The following CLDN16 variants were observed in gnomAD, a reference collection of about 807,000 sequenced individuals.
CLDN16 encodes claudin-16.
Under a neutral mutation model 24.6 loss-of-function variants are expected in CLDN16, and 13 were observed. That is an observed-to-expected ratio of 0.53 (90% CI 0.34 to 0.84). The LOEUF (loss-of-function observed/expected upper bound fraction) is 0.84. CLDN16 is among the 40% of genes least tolerant of loss of function. CLDN16 has a pLI of 0.01. For synonymous variants in CLDN16, 116 were observed against 106.7 expected, an observed-to-expected ratio of 1.09 and a Z score of -0.54; for missense variants, 298 against 292.7, an observed-to-expected ratio of 1.02 and a Z score of -0.13.
intron 1 of CLDN16, among the ~76,000 whole-genome samples, chr3:190,323,535 C>T (rs1248863301): frequency 6.6e-6 from 1 of 152,126 alleles, no homozygotes; most frequent in Non-Finnish European, 1.5e-5. Flanking sequence ...AAATGTTTTT[C>T]CAACTGCTTT....
chr3:190,350,099 C>T (rs1352182527), intron 1 of CLDN16, among the ~76,000 whole-genome samples: 2 of 151,678 alleles, frequency 1.3e-5, no homozygotes, highest in Non-Finnish European at 2.9e-5. Context: ...GGCATGGAGA[C>T]AAGCATTTAA....
intron 1 of CLDN16, among the ~76,000 whole-genome samples, chr3:190,347,763 A>G (rs1335840906): frequency 1.3e-5 from 2 of 152,176 alleles, no homozygotes; most frequent in Non-Finnish European, 2.9e-5. Flanking sequence ...TTGGAGGATG[A>G]AAGTAGGTTT....
At chr3:190,349,359 G>A (rs2108634700) in intron 1 of CLDN16, among the ~76,000 whole-genome samples, 1 of 152,164 alleles carries the variant, frequency 6.6e-6, no homozygotes, top group South Asian at 2.1e-4. Context: ...CTTCCCCTTG[G>A]CCCTTCTGCC....
At chr3:190,386,846 A>G (rs943886918), upstream of CLDN16, among the ~76,000 whole-genome samples, 1 of 152,238 alleles carries the variant, frequency 6.6e-6, no homozygotes, top group South Asian at 2.1e-4. Flanking sequence ...GAAAAAACAA[A>G]GTTTAGCCAC....
chr3:190,311,094 T>A, the CLDN16 span, among the ~76,000 whole-genome samples: 2 of 152,204 alleles, frequency 1.3e-5, no homozygotes, highest in Non-Finnish European at 2.9e-5. Context: ...CCTCTAGACA[T>A]GACAGAAAAC....
chr3:190,316,111 C>G, the CLDN16 span, among the ~76,000 whole-genome samples: 1 of 152,168 alleles, frequency 6.6e-6, no homozygotes, highest in Admixed American at 6.5e-5. Context: ...AGAAACCTAT[C>G]AGGTTTCATT....
intron 1 of CLDN16, among the ~76,000 whole-genome samples, chr3:190,363,042 G>A (rs1717935082): frequency 6.6e-6 from 1 of 151,864 alleles, no homozygotes; most frequent in African/African-American, 2.4e-5. Context: ...TTTTTAAAAT[G>A]TATTTTTATC....
intron 1 of CLDN16, among the ~76,000 whole-genome samples, chr3:190,340,048 A>G (rs1229668895): frequency 6.6e-6 from 1 of 152,244 alleles, no homozygotes; most frequent in Non-Finnish European, 1.5e-5. Context: ...ATTAACAGAC[A>G]TAAAGTCAAA....
chr3:190,332,342 G>C (rs1236036276), intron 1 of CLDN16, among the ~76,000 whole-genome samples: 1 of 152,090 alleles, frequency 6.6e-6, no homozygotes, highest in Non-Finnish European at 1.5e-5. Flanking sequence ...ATAAAAATAA[G>C]ATATTAATAG....
At chr3:190,405,156 G>A (rs931129367) in intron 3 of CLDN16, among the ~76,000 whole-genome samples, 2 of 152,114 alleles carry the variant, frequency 1.3e-5, no homozygotes, top group Non-Finnish European at 2.9e-5. Context: ...CAGGCCGGGT[G>A]TGGTGGCTTA....
intron 2 of CLDN16, among the ~76,000 whole-genome samples, chr3:190,403,175 A>C (rs1719005788): frequency 6.6e-6 from 1 of 152,014 alleles, no homozygotes; most frequent in Non-Finnish European, 1.5e-5. Context: ...TAAAATTACC[A>C]AAAAAAGTTA....
At chr3:190,312,755 CTA>C in the CLDN16 span, 1 of 1,125,332 alleles carries the variant, frequency 8.9e-7, no homozygotes, top group Non-Finnish European at 1.3e-6. Context: ...GACTTCAGGT[CTA>C]TGTTTGCAGT....
chr3:190,322,279 C>T (rs1716949124), upstream of CLDN16: 2 of 1,363,782 alleles, frequency 1.5e-6, no homozygotes, highest in Admixed American at 1.8e-5. Flanking sequence ...GTGGGCAACC[C>T]GGACTCCCGA....
At chr3:190,402,248 A>G in intron 1 of CLDN16, 89 bp from the exon 2 acceptor site, 1 of 992,936 alleles carries the variant, frequency 1.0e-6, no homozygotes, top group Non-Finnish European at 1.6e-6. Flanking sequence ...TTTGCTATCA[A>G]ACACAACCAC....
intron 1 of CLDN16, among the ~76,000 whole-genome samples, chr3:190,329,142 G>T (rs1685923036): frequency 6.6e-6 from 1 of 152,172 alleles, no homozygotes; most frequent in South Asian, 2.1e-4. Context: ...GAGGCAGAAG[G>T]AAGAGATATA....
At chr3:190,353,659 C>T (rs1257814387) in intron 1 of CLDN16, among the ~76,000 whole-genome samples, 1 of 152,000 alleles carries the variant, frequency 6.6e-6, no homozygotes, top group African/African-American at 2.4e-5. Flanking sequence ...TTAAATCATC[C>T]TCTTGATATT....
intron 2 of CLDN16, chr3:190,371,062 T>C (rs1006825982): frequency 2.6e-4 from 32 of 122,522 alleles, no homozygotes; most frequent in African/African-American, 9.2e-4. Flanking sequence ...CATATATAAA[T>C]TTATATAAAC....
upstream of CLDN16, chr3:190,321,994 C>T: frequency 6.2e-7 from 1 of 1,614,136 alleles, no homozygotes; most frequent in Non-Finnish European, 8.5e-7. Flanking sequence ...TGCTCAGATT[C>T]AGCAAGGAGT....
chr3:190,370,756 G>A (rs1438195736), intron 1 of CLDN16: 1 of 151,834 alleles, frequency 6.6e-6, no homozygotes, highest in African/African-American at 2.4e-5. Context: ...AGTGGGCTGG[G>A]GAAGGTAGAC....
Sources: gnomAD v4.1 joint callset for allele counts (sites outside exome capture counted in the v4.1 genomes callset) on GRCh38, gnomAD v4.1.1 for gene constraint, MANE v1.5 for transcripts, NCBI Gene and HGNC (gene_info 2026-07-23, HGNC 2026-07-21) for gene names.